The following A2ML1 variants were observed in gnomAD, a reference collection of about 807,000 sequenced individuals.
A2ML1 encodes alpha-2-macroglobulin-like protein 1.
A neutral mutation model predicts 181.9 loss-of-function variants in A2ML1; 161 were observed. That is an observed-to-expected ratio of 0.89 (90% CI 0.78 to 1.01). A2ML1 has a LOEUF of 1.01. Among genes scored for constraint, A2ML1 ranks in the 50% least tolerant of loss-of-function variants. The pLI is 0.00. For synonymous variants in A2ML1, 663 were observed against 666.8 expected (o/e 0.99, Z 0.09); for missense variants, 1,670 against 1,768.1 (o/e 0.94, Z 1.00).
chr12:8,858,168 T>G (rs1422368848), intron 26 of A2ML1, 66 bp downstream of exon 26: 1 of 1,538,144 alleles, frequency 6.5e-7, no homozygotes, highest in Non-Finnish European at 8.8e-7. Flanking sequence ...TCTGACCGAG[T>G]AGAAGCAAAA....
intron 4 of A2ML1, chr12:8,830,848 G>A (rs949189298): frequency 6.6e-6 from 1 of 151,756 alleles, no homozygotes; most frequent in Non-Finnish European, 1.5e-5. Context: ...TGCCCTACCC[G>A]CTACTCTCTT....
rs941768025 is a variant in A2ML1, at chr12:8,885,405, G to C, written c.*95-1102G>C. On this transcript the variant is annotated intron_variant and NMD_transcript_variant, in intron 7 of 7. Transcript: ENST00000537475. ...AAGAGAAAGAAATCTTTACTTCAGGGTCAAAAAATGCTTTCCTTATGTTTT... is the reference window on the plus strand; with the variant it reads ...AAGAGAAAGAAATCTTTACTTCAGGCTCAAAAAATGCTTTCCTTATGTTTT... 6.3e-4 allele frequency among the ~76,000 whole-genome samples: 96 copies of C among 151,806 alleles called. 1 individual carries two copies. The highest frequency in any genetic ancestry group is 4.7e-3 in the Admixed American group (72 of 15,236).
intron 9 of A2ML1, 107 bp downstream of exon 9, chr12:8,838,557 A>T (rs1943363090): frequency 1.3e-6 from 1 of 740,978 alleles, no homozygotes; most frequent in Admixed American, 2.9e-5. Flanking sequence ...GAGTGTTTGG[A>T]TGGTACCTTG....
At chr12:8,884,433 G>A (rs896205098) in intron 7 of A2ML1, among the ~76,000 whole-genome samples, 6 of 151,366 alleles carry the variant, frequency 4.0e-5, no homozygotes, top group African/African-American at 9.7e-5. Flanking sequence ...ACTATCCTCC[G>A]TCGAGTAGAC....
chr12:8,876,122 C>T lies in A2ML1; in HGVS notation c.*66C>T, dbSNP rs900569461. 1 of 152,144 alleles carries T rather than the reference C, an allele frequency of 6.6e-6. No homozygotes were observed. The highest frequency in any genetic ancestry group is 1.5e-5 in the Non-Finnish European group (1 of 68,022). The allele number at this position is 152,144 out of a possible 1,614,324, so 9.4% of individuals were successfully genotyped here. A position where few individuals can be genotyped will look rare whatever the true frequency, so the allele number is the denominator to read the frequency against. On this transcript the variant is annotated 3_prime_UTR_variant, in exon 36 of 36. Coordinates refer to ENST00000299698, the MANE Select transcript of A2ML1 (RefSeq NM_144670.6). Reference sequence around the variant, plus strand: ...ACTGGAGGGTGGAACATTCTTCTGTCGCTTGAAGCAGAACTCATTCAATCA... The same window carrying T: ...ACTGGAGGGTGGAACATTCTTCTGTTGCTTGAAGCAGAACTCATTCAATCA...
Position 8,834,680 on chromosome 12 carries a change from C to A in A2ML1, c.481C>A (p.Gln161Lys), listed in dbSNP as rs1412258468. Residue 161 changes from glutamine (Q) to lysine (K), a missense_variant and splice_region_variant, in exon 5 of 36, where the codon CAG becomes AAG. By Grantham distance (53) the Gln-to-Lys change is moderately conservative (BLOSUM62 1). Transcript: ENST00000299698. ...VNDKYSMVEL[Q>K]DPNSNRIAQW... Reference sequence around the variant, plus strand: ...TTTTCAGTACTCCATGGTGGAACTACAGGTAAGCGGAAGTTTCTTTCTCTT... The same window carrying A: ...TTTTCAGTACTCCATGGTGGAACTAAAGGTAAGCGGAAGTTTCTTTCTCTT... 6.2e-7 allele frequency: 1 copy of A among 1,614,176 alleles called. No individual in the cohort carries two copies.
intron 3 of A2ML1, among the ~76,000 whole-genome samples, chr12:8,828,700 G>A (rs1324730117): frequency 6.6e-6 from 1 of 152,072 alleles, no homozygotes; most frequent in Admixed American, 6.6e-5. Flanking sequence ...CCACAGCTGG[G>A]AATGTGCTGA....
rs747540434 is a variant in A2ML1, at chr12:8,845,611, G to T, written c.1537+109G>T. On this transcript the variant is annotated intron_variant, in intron 13 of 35. Coordinates refer to ENST00000299698, the MANE Select transcript of A2ML1 (RefSeq NM_144670.6). ...GCCTGTAATCCCAGCACTTTGGGAG[G>T]CCGAGGTGGGCGGATCACGATGTCG... 188 of 1,028,278 alleles carry T rather than the reference G, an allele frequency of 1.8e-4. 6 individuals carry two copies. The South Asian group carries it at 2.6e-3, about 14-fold the overall frequency. The allele number at this position is 1,028,278 out of a possible 1,614,324, so 63.7% of individuals were successfully genotyped here. A position where few individuals can be genotyped will look rare whatever the true frequency, so the allele number is the denominator to read the frequency against.
At position 8,855,082 on chromosome 12, in the gene A2ML1, A is replaced by G. The variant is rs568408340; in HGVS notation, c.2764+251A>G. Among the ~76,000 whole-genome samples the G allele has an allele frequency of 4.6e-4, 70 of 152,118 alleles. 1 individual carries two copies. In the South Asian group the frequency reaches 0.015, roughly 32 times the overall value. On this transcript the variant is annotated intron_variant, in intron 22 of 35. Coordinates refer to ENST00000299698, the MANE Select transcript of A2ML1 (RefSeq NM_144670.6). ...GCTAATTTTTGTATTTTTAGTAGAG[A>G]TGGGGTTTCACCATATTGGCCAGGC...
At chr12:8,868,838 TTA>T (rs1288970951) in intron 32 of A2ML1, among the ~76,000 whole-genome samples, 1 of 151,982 alleles carries the variant, frequency 6.6e-6, no homozygotes, top group Admixed American at 6.6e-5. Context: ...CAGTATGTGA[TTA>T]TATATATGTG....
rs7138661 is a variant in A2ML1 at position 8,848,518 on chromosome 12, G to A, written c.1834-202G>A. Among the ~76,000 whole-genome samples the A allele has an allele frequency of 0.015, 2,303 of 152,066 alleles. 56 individuals carry two copies. Among genetic ancestry groups the A allele is most frequent in the African/African-American group, 0.052 (2,167 of 41,490 alleles). ...AGAAAGAGAACGAAATAGGGGATAG[G>A]ATTATGAAAAAATAGGTGAGATAGA... On this transcript the variant is annotated intron_variant, in intron 15 of 35. Coordinates refer to ENST00000299698, the MANE Select transcript of A2ML1 (RefSeq NM_144670.6).
rs1404331437 is a variant in A2ML1 at position 8,850,177 on chromosome 12, G to C, written c.2137G>C (p.Glu713Gln). Residue 713 changes from glutamate to glutamine, a missense_variant, in exon 18 of 36, where the codon GAG becomes CAG. Transcript: ENST00000299698. ...TAMGAGGGHP[E>Q]AFESSTPLHQ... Reference sequence around the variant, plus strand: ...TTCATCAGCAGGCGGTGGTCATCCAGAGGCTTTTGAGTCATCAACTCCTTT... The same window carrying C: ...TTCATCAGCAGGCGGTGGTCATCCACAGGCTTTTGAGTCATCAACTCCTTT... 1 of 1,609,724 alleles carries C rather than the reference G, an allele frequency of 6.2e-7. No homozygotes were observed. Among genetic ancestry groups the C allele is most frequent in the Non-Finnish European group, 8.5e-7 (1 of 1,178,890 alleles).
At chr12:8,823,698 A>C in intron 2 of A2ML1, 22 bp from the exon 3 acceptor site, 1 of 1,609,126 alleles carries the variant, frequency 6.2e-7, no homozygotes. Context: ...ACCCCTCCCC[A>C]GAAGTCCCCT....
At position 8,867,845 on chromosome 12, in the gene A2ML1, A is replaced by G; in HGVS notation, c.3721A>G (p.Thr1241Ala). 1 of 1,613,910 alleles carries G rather than the reference A, an allele frequency of 6.2e-7. No individual in the cohort carries two copies. The highest frequency in any genetic ancestry group is 8.5e-7 in the Non-Finnish European group (1 of 1,179,762). ...TACGTTTGGTTGTTTCCCTCAGGAT[A>G]CTGTAGTTGCTCTCCAAGCTCTTGC... The part of the protein sequence containing the change: ...AYGGFSSTQD[T>A]VVALQALAKY... Residue 1241 changes from threonine (T) to alanine (A), a missense_variant, in exon 30 of 36, where the codon ACT (threonine) becomes GCT (alanine). Thr to Ala is a moderately conservative substitution (Grantham distance 58). Transcript: ENST00000299698.
chr12:8,874,750 G>A (rs149493851), intron 34 of A2ML1, among the ~76,000 whole-genome samples: 212 of 152,216 alleles, frequency 1.4e-3, no homozygotes, highest in Non-Finnish European at 2.1e-3. Context: ...AGAACAATGT[G>A]AACCATTGTT....
chr12:8,845,929 C>T (rs1347302188), intron 13 of A2ML1, 148 bp from the exon 14 acceptor site: 2 of 616,928 alleles, frequency 3.2e-6, no homozygotes, highest in Non-Finnish European at 5.2e-6. Flanking sequence ...AATTGGAGCA[C>T]TAACAGTTAT....
intron 7 of A2ML1, 67 bp downstream of exon 7, chr12:8,836,406 C>T: frequency 7.3e-7 from 1 of 1,370,918 alleles, no homozygotes; most frequent in East Asian, 2.4e-5. Context: ...GAGGGGATGA[C>T]ATGGGATGTG....
intron 12 of A2ML1, among the ~76,000 whole-genome samples, chr12:8,844,312 G>C (rs1426259845): frequency 6.7e-6 from 1 of 149,572 alleles, no homozygotes; most frequent in African/African-American, 2.5e-5. Flanking sequence ...ATGTTGGCCA[G>C]GCTGGTCTTG....
rs756863762 is a variant in A2ML1 at position 8,845,491 on chromosome 12, C to CT, written c.1527dup (p.Lys510Ter). On this transcript the variant is annotated frameshift_variant, in exon 13 of 36. Coordinates refer to ENST00000299698, the MANE Select transcript of A2ML1 (RefSeq NM_144670.6). LOFTEE classifies it high-confidence loss of function. ...ATGGAGGGGCAGAAACACCTGAACT[C>CT]TAAGAAGAAAGGTGAGTGTACATGC... 2 of 1,614,114 alleles carry CT rather than the reference C, an allele frequency of 1.2e-6. No individual in the cohort carries two copies. Among genetic ancestry groups the CT allele is most frequent in the Non-Finnish European group, 1.7e-6 (2 of 1,179,998 alleles).
Sources: gnomAD v4.1 joint callset for allele counts (sites outside exome capture counted in the v4.1 genomes callset) on GRCh38, gnomAD v4.1.1 for gene constraint, MANE v1.5 for transcripts, NCBI Gene and HGNC (gene_info 2026-07-23, HGNC 2026-07-21) for gene names.